Variants in AOAH observed in about 807,000 individuals in gnomAD.
AOAH encodes the protein acyloxyacyl hydrolase (neutrophil).
A neutral mutation model predicts 92.2 loss-of-function variants in AOAH; 64 were observed. That is an observed-to-expected ratio of 0.69 (90% confidence interval 0.57 to 0.86). The LOEUF (loss-of-function observed/expected upper bound fraction) is 0.86, where lower values mean the gene tolerates loss of function less well. Among genes scored for constraint, AOAH ranks in the 40% least tolerant of loss-of-function variants. The probability of loss-of-function intolerance (pLI) is 0.00; values close to 1 mark genes in which losing one functional copy is unlikely to be tolerated. For synonymous variants in AOAH, 263 were observed against 254.5 expected, an observed-to-expected ratio of 1.03 and a Z score of -0.32; for missense variants, 656 against 694.6, an observed-to-expected ratio of 0.94 and a Z score of 0.62.
rs1001882973 is a variant in AOAH at position 36,533,682 on chromosome 7, T to C, written c.1307-1338A>G. Among the ~76,000 whole-genome samples the C allele has an allele frequency of 2.7e-4, 40 of 148,992 alleles. 1 individual carries two copies. Among genetic ancestry groups the C allele is most frequent in the Admixed American group, 2.3e-3 (35 of 14,936 alleles). On this transcript the variant is annotated intron_variant, in intron 16 of 20. Transcript: ENST00000617537. ...TTGTTCCCTCTATTTTGTGTGCGTG[T>C]GTGTGTGTGTGTGTGTGTTTGTGTG...
chr7:36,579,372 GC>G lies in AOAH; in HGVS notation c.939-2717del, dbSNP rs70977163. On this transcript the variant is annotated intron_variant, in intron 12 of 20. Coordinates refer to ENST00000617537, the MANE Select transcript of AOAH (RefSeq NM_001637.4). ...AGCTCTGCTTGAATTCCTGAACCCC[GC>G]CCCCCCCAAATTGTGAGATATAATA... is the stretch of plus-strand genomic sequence containing the variant. 7.4e-5 allele frequency among the ~76,000 whole-genome samples: 11 copies of G among 148,268 alleles called. No individual in the cohort carries two copies. The South Asian group carries it at 8.8e-4, about 12-fold the overall frequency.
intron 13 of AOAH, among the ~76,000 whole-genome samples, chr7:36,556,608 T>C (rs1786736567): frequency 6.8e-6 from 1 of 147,728 alleles, no homozygotes; most frequent in African/African-American, 2.5e-5. Context: ...ATTATTATTG[T>C]GTGGGAGTCT....
intron 12 of AOAH, among the ~76,000 whole-genome samples, chr7:36,587,229 G>GC (rs1459758118): frequency 7.2e-6 from 1 of 138,178 alleles, no homozygotes; most frequent in Non-Finnish European, 1.5e-5. Flanking sequence ...CCAAGATCAC[G>GC]CCACTGCACT....
At chr7:36,532,660 A>T (rs1430972981) in intron 16 of AOAH, among the ~76,000 whole-genome samples, 1 of 152,228 alleles carries the variant, frequency 6.6e-6, no homozygotes, top group Middle Eastern at 3.2e-3. Context: ...CTACAGCTCA[A>T]TGTGAACCAG....
At chr7:36,697,470 G>T (rs747757632) in intron 1 of AOAH, among the ~76,000 whole-genome samples, 2 of 152,170 alleles carry the variant, frequency 1.3e-5, no homozygotes, top group Non-Finnish European at 2.9e-5. Context: ...TTTTGCATCT[G>T]TTTATAAAAG....
intron 19 of AOAH, 74 bp downstream of exon 19, chr7:36,530,344 A>G (rs1278283036): frequency 2.8e-6 from 3 of 1,087,774 alleles, no homozygotes; most frequent in Middle Eastern, 2.0e-4. Flanking sequence ...TTATAAAAGT[A>G]TAAAACCAGT....
chr7:36,676,180 T>C (rs985827879), intron 2 of AOAH, among the ~76,000 whole-genome samples: 1 of 152,230 alleles, frequency 6.6e-6, no homozygotes, highest in African/African-American at 2.4e-5. Context: ...TAAGACTATC[T>C]TGTGGCTGAT....
intron 13 of AOAH, among the ~76,000 whole-genome samples, chr7:36,551,157 T>C (rs1287929121): frequency 6.6e-6 from 1 of 151,012 alleles, no homozygotes; most frequent in Non-Finnish European, 1.5e-5. Context: ...TACTGCAATC[T>C]CTGCCTCCTG....
chr7:36,666,663 A>C (rs1329191133), intron 3 of AOAH, among the ~76,000 whole-genome samples: 1 of 151,852 alleles, frequency 6.6e-6, no homozygotes, highest in African/African-American at 2.4e-5. Context: ...AGCTTAGATG[A>C]CTCATTTTAG....
At chr7:36,649,459 T>A (rs1562657319) in intron 4 of AOAH, among the ~76,000 whole-genome samples, 1 of 152,214 alleles carries the variant, frequency 6.6e-6, no homozygotes, top group Non-Finnish European at 1.5e-5. Flanking sequence ...CTGCATCCGC[T>A]TTTAAACATG....
chr7:36,594,463 AT>A (rs777472430), intron 11 of AOAH, 33 bp from the exon 12 acceptor site: 1 of 1,551,112 alleles, frequency 6.4e-7, no homozygotes, highest in South Asian at 1.1e-5. Flanking sequence ...AATTATCAAA[AT>A]GGTCATTTAT....
rs1368418496 is a variant in AOAH at position 36,516,890 on chromosome 7, C to A, written c.1600-3510G>T. Among the ~76,000 whole-genome samples the A allele has an allele frequency of 3.3e-5, 5 of 152,146 alleles. No individual in the cohort carries two copies. The highest frequency in any genetic ancestry group is 2.9e-5 in the Non-Finnish European group (2 of 68,024). ...ATGAGCATTTGGTAACTGGTTTGAA[C>A]GCAATTAGTTGGTTGTCACTCTAAT... On this transcript the variant is annotated intron_variant, in intron 20 of 20. Transcript: ENST00000617537. The surrounding 1 kb of genome is among the most constrained non-coding windows in gnomAD (Gnocchi z 5.0).
rs563041515 is a variant in AOAH at position 36,706,234 on chromosome 7, T to A, written c.127+17788A>T. Reference sequence around the variant, plus strand: ...CTTGATTCATGAGCTACAGAATAGATGTTGTGTTAGAGACATGAAAATAAA... The same window carrying A: ...CTTGATTCATGAGCTACAGAATAGAAGTTGTGTTAGAGACATGAAAATAAA... On this transcript the variant is annotated intron_variant, in intron 1 of 20. Coordinates refer to ENST00000617537, the MANE Select transcript of AOAH (RefSeq NM_001637.4). Among the ~76,000 whole-genome samples the A allele has an allele frequency of 5.9e-5, 9 of 152,278 alleles. No homozygotes were observed. The South Asian group carries it at 1.9e-3, about 32-fold the overall frequency.
At chr7:36,517,156 G>GTCTTTTTCTT (rs1554360833) in intron 20 of AOAH, among the ~76,000 whole-genome samples, 12 of 95,498 alleles carry the variant, frequency 1.3e-4, no homozygotes, top group Admixed American at 2.2e-4. Context: ...ATCCATGTTA[G>GTCTTTTTCTT]TCTTTCTTTC....
At chr7:36,686,871 CGT>C (rs35260531) in intron 1 of AOAH, 77 bp from the exon 2 acceptor site, 157,795 of 513,152 alleles carry the variant, frequency 0.31, 12,097 homozygotes, top group East Asian at 0.42. Flanking sequence ...AGAAAGGATG[CGT>C]GTGTGTGTGT....
chr7:36,558,792 T>C (rs1219101738), intron 13 of AOAH, among the ~76,000 whole-genome samples: 1 of 152,266 alleles, frequency 6.6e-6, no homozygotes, highest in Admixed American at 6.5e-5. Context: ...GTGCAGGATA[T>C]AATCTCCTGG....
intron 1 of AOAH, among the ~76,000 whole-genome samples, chr7:36,692,736 C>T (rs568696206): frequency 2.6e-5 from 4 of 152,238 alleles, no homozygotes; most frequent in South Asian, 2.1e-4. Flanking sequence ...CTTTTCAGCA[C>T]GTACTATGTG....
At chr7:36,708,487 G>T (rs924254102) in intron 1 of AOAH, among the ~76,000 whole-genome samples, 1 of 151,968 alleles carries the variant, frequency 6.6e-6, no homozygotes, top group African/African-American at 2.4e-5. Context: ...CGCTATGGTG[G>T]TCTTTAATTC....
chr7:36,526,417 G>A (rs1035795634), intron 19 of AOAH, among the ~76,000 whole-genome samples: 2 of 152,192 alleles, frequency 1.3e-5, no homozygotes, highest in Non-Finnish European at 2.9e-5. Flanking sequence ...TCAAAGGGAA[G>A]ATCCTTTTTT....
Sources: allele counts gnomAD v4.1 joint callset (sites outside exome capture counted in the v4.1 genomes callset), GRCh38; gene constraint gnomAD v4.1.1; non-coding constraint Gnocchi (gnomAD v3.1); transcripts MANE v1.5; gene names NCBI Gene and HGNC (gene_info 2026-07-23, HGNC 2026-07-21).